The following MYO15A variants were observed in gnomAD, a reference collection of about 807,000 sequenced individuals.
MYO15A encodes the protein myosin XVA.
MYO15A carries 308 observed loss-of-function variants against 394.6 expected under a neutral mutation model. The observed-to-expected ratio is 0.78, with a 90% CI of 0.71 to 0.86. MYO15A has a LOEUF of 0.86. Among genes scored for constraint, MYO15A ranks in the 40% least tolerant of loss-of-function variants. MYO15A has a pLI of 0.00. For synonymous variants in MYO15A, 1,957 were observed against 2,003.8 expected (o/e 0.98, Z 0.62); for missense variants, 4,606 against 4,799.1 (o/e 0.96, Z 1.19).
At position 18,122,378 on chromosome 17, in the gene MYO15A, A is replaced by G; in HGVS notation, c.3578A>G (p.Glu1193Gly). Residue 1193 changes from glutamate to glycine, a missense_variant, in exon 2 of 66, where the codon GAG becomes GGG. Glu to Gly is a moderately conservative substitution (Grantham distance 98). Transcript: ENST00000647165. ...TGCCTGTCCCTTAGGGGCTCCTGGGAGGAGGTCGGCCCGCCAAGCTGGCGG... is the reference window on the plus strand; with the variant it reads ...TGCCTGTCCCTTAGGGGCTCCTGGGGGGAGGTCGGCCCGCCAAGCTGGCGG... ...AACLSLRGSW[E>G]EVGPPSWRNK... 6.2e-7 allele frequency: 1 copy of G among 1,612,606 alleles called. No homozygotes were observed. Among genetic ancestry groups the G allele is most frequent in the Admixed American group, 1.7e-5 (1 of 60,010 alleles).
rs201978571 is a variant in MYO15A at position 18,143,797 on chromosome 17, G to A, written c.6046+1G>A. 148 of 1,582,210 alleles carry A rather than the reference G, an allele frequency of 9.4e-5. No individual in the cohort carries two copies. The highest frequency in any genetic ancestry group is 1.2e-4 in the Non-Finnish European group (141 of 1,164,372). On this transcript the variant is annotated splice_donor_variant, in intron 27 of 65. Coordinates refer to ENST00000647165, the MANE Select transcript of MYO15A (RefSeq NM_016239.4). LOFTEE classifies it high-confidence loss of function. ...GCTGGGCTCTTGCAAGCAGTGGCAG[G>A]TGGGTCAGCACCAGGCGGGGGGAGG...
Position 18,132,419 on chromosome 17 carries a change from C to T in MYO15A, c.4207-34C>T, listed in dbSNP as rs757069168. On this transcript the variant is annotated intron_variant, in intron 10 of 65. Transcript: ENST00000647165. The surrounding 1 kb of genome is among the most constrained non-coding windows in gnomAD (Gnocchi z 4.6). ...GCCTGGGGGTCACCTAGGTAGGTGG[C>T]TCCCTTCTCTGTGCCCACCTACCCA... The T allele has an allele frequency of 3.8e-6, 6 of 1,570,044 alleles. No homozygotes were observed. In the South Asian group the frequency reaches 6.6e-5, roughly 17 times the overall value.
chr17:18,171,691 C>T lies in MYO15A; in HGVS notation c.10136C>T (p.Ser3379Leu), dbSNP rs546575046. The change falls in exon 63 of 66, where the codon TCG (serine) becomes TTG (leucine). Residue 3379 changes from serine to leucine, a missense_variant. Ser to Leu is a moderately radical substitution (Grantham distance 145, BLOSUM62 -2). Coordinates refer to ENST00000647165, the MANE Select transcript of MYO15A (RefSeq NM_016239.4). ...PAQLYRTTAG[S>L]TWLNLVSQHR... is the part of the protein sequence containing the mutation. The stretch of plus-strand genomic sequence containing the variant: ...CAGCTCTACCGTACAACGGCAGGCT[C>T]GACCTGGCTCAACCTGGTCAGCCAG... 26 of 1,613,250 alleles carry T rather than the reference C, an allele frequency of 1.6e-5. No homozygotes were observed. Among genetic ancestry groups the T allele is most frequent in the Middle Eastern group, 1.6e-4 (1 of 6,062 alleles).
At position 18,150,440 on chromosome 17, in the gene MYO15A, GC is replaced by G. The variant is rs727503315; in HGVS notation, c.7226del (p.Pro2409GlnfsTer8). 48 of 1,614,100 alleles carry G rather than the reference GC, an allele frequency of 3.0e-5. No homozygotes were observed. The Admixed American group carries it at 6.7e-4, about 22-fold the overall frequency. On this transcript the variant is annotated frameshift_variant, in exon 36 of 66. Coordinates refer to ENST00000647165, the MANE Select transcript of MYO15A (RefSeq NM_016239.4). LOFTEE classifies it high-confidence loss of function. The surrounding 1 kb of genome is among the most constrained non-coding windows in gnomAD (Gnocchi z 4.4). ...CCCACTGCCCCCAGGACCTGGAGAA[GC>G]CAACAGCCATTGCCTACCGCATGAA... is the stretch of plus-strand genomic sequence containing the variant. ...LSYGDADLEK[P>X]TAIAYRMKGG...
At position 18,138,817 on chromosome 17, in the gene MYO15A, G is replaced by A. The variant is rs1394113161; in HGVS notation, c.5014G>A (p.Asp1672Asn). Reference protein sequence around the residue: ...DDQCCFPQATDHTFLQKCHYH... With the variant: ...DDQCCFPQATNHTFLQKCHYH... ...ATCCCTAAATTGCCCCCAGGCTACA[G>A]ACCACACCTTCCTACAGAAGTGCCA... Residue 1672 changes from aspartate (D) to asparagine (N), a missense_variant, in exon 18 of 66, where the codon GAC (aspartate) becomes AAC (asparagine). Asp to Asn is a conservative substitution (Grantham distance 23). This residue lies in a region of MYO15A where 2,776 missense variants were observed against 3,109.3 expected (regional missense o/e 0.89). Coordinates refer to ENST00000647165, the MANE Select transcript of MYO15A (RefSeq NM_016239.4). 9 of 1,613,632 alleles carry A rather than the reference G, an allele frequency of 5.6e-6. No individual in the cohort carries two copies. The highest frequency in any genetic ancestry group is 5.9e-6 in the Non-Finnish European group (7 of 1,179,904).
At chr17:18,133,886 G>A (rs976085804) in intron 12 of MYO15A, among the ~76,000 whole-genome samples, 3 of 152,306 alleles carry the variant, frequency 2.0e-5, no homozygotes, top group Admixed American at 1.3e-4. Flanking sequence ...TTGAACTCCT[G>A]ACCTCAAATG....
rs1277710092 is a variant in MYO15A, at chr17:18,162,598, C to G, written c.9531C>G (p.Ala3177=). ...PGLPFQGIAK[A]CEQNLQKTLR... ...CTGCTTCTGCAGGGATCGCCAAGGC[C>G]TGCGAGCAGAACCTGCAGAAAACCT... Residue 3177 remains alanine, a synonymous_variant, in exon 58 of 66, where the codon GCC becomes GCG. Transcript: ENST00000647165. 3 of 1,613,880 alleles carry G rather than the reference C, an allele frequency of 1.9e-6. No homozygotes were observed. The highest frequency in any genetic ancestry group is 1.3e-5 in the African/African-American group (1 of 74,926).
chr17:18,127,207 T>G (rs2046063363), intron 7 of MYO15A, 42 bp downstream of exon 7: 1 of 1,606,042 alleles, frequency 6.2e-7, no homozygotes, highest in South Asian at 1.1e-5. Context: ...CTGAACACCC[T>G]TTGATAAGCA....
chr17:18,153,074 C>T lies in MYO15A; in HGVS notation c.7967-701C>T, dbSNP rs1414121739. ...GCAGGGGCATTGTTTACCTTATTTG[C>T]GGGGCCATCTCAGCCTTTAGCCCAG... On this transcript the variant is annotated intron_variant, in intron 42 of 65. Transcript: ENST00000647165. This position sits in a 1 kb window ranked among gnomAD's most constrained non-coding sequence, Gnocchi z 4.1. Among the ~76,000 whole-genome samples the T allele has an allele frequency of 3.9e-5, 6 of 152,198 alleles. No homozygotes were observed. The highest frequency in any genetic ancestry group is 1.4e-4 in the African/African-American group (6 of 41,440).
Position 18,121,945 on chromosome 17 carries a change from G to T in MYO15A, c.3145G>T (p.Asp1049Tyr). ...CCCCAAGGATATCACTCCCCCCAAG[G>T]ATGTCCTCCCAGAGCAAAAGACATT... is the stretch of plus-strand genomic sequence containing the variant. ...TPPKDITPPK[D>Y]VLPEQKTLRP... is the part of the protein sequence containing the mutation. The change falls in exon 2 of 66, where the codon GAT becomes TAT. Residue 1049 changes from aspartate (D) to tyrosine (Y), a missense_variant. By Grantham distance (160) the Asp-to-Tyr change is radical (BLOSUM62 -3). Coordinates refer to ENST00000647165, the MANE Select transcript of MYO15A (RefSeq NM_016239.4). The surrounding 1 kb of genome is among the most constrained non-coding windows in gnomAD (Gnocchi z 5.3). 6.2e-7 allele frequency: 1 copy of T among 1,613,314 alleles called. No homozygotes were observed. The highest frequency in any genetic ancestry group is 8.5e-7 in the Non-Finnish European group (1 of 1,179,964).
chr17:18,167,547 C>T (rs765853404), intron 61 of MYO15A, 43 bp from the exon 62 acceptor site: 24 of 1,599,238 alleles, frequency 1.5e-5, no homozygotes, highest in African/African-American at 4.0e-5. Flanking sequence ...AGTGCCTGCA[C>T]GCGTGCCTGC....
Position 18,120,451 on chromosome 17 carries a change from GC to G in MYO15A, c.1654del (p.His552ThrfsTer77). Reference sequence around the variant, plus strand: ...CCAGCGCGCGCTGTCGGCCTTCGGCGCCCACCGGGGCCTGGGCTTCGGCCCT... The same window carrying G: ...CCAGCGCGCGCTGTCGGCCTTCGGCGCCACCGGGGCCTGGGCTTCGGCCCT... ...NLQRALSAFG[A>X]HRGLGFGPEF... On this transcript the variant is annotated frameshift_variant, in exon 2 of 66. Transcript: ENST00000647165. LOFTEE classifies it high-confidence loss of function. The G allele has an allele frequency of 6.3e-7, 1 of 1,577,344 alleles. No homozygotes were observed.
Position 18,157,168 on chromosome 17 carries a change from G to A in MYO15A, c.8726G>A (p.Gly2909Asp), listed in dbSNP as rs1196354376. 6.2e-7 allele frequency: 1 copy of A among 1,610,818 alleles called. No homozygotes were observed. The highest frequency in any genetic ancestry group is 8.5e-7 in the Non-Finnish European group (1 of 1,178,548). ...LEPPRVGYSA[G>D]CVVRRKVVYL... ...GCCTGGCCCATAGGCTACAGTGCTG[G>A]CTGCGTGGTTCGCAGGAAGGTGGTG... Residue 2909 changes from glycine to aspartate, a missense_variant, in exon 50 of 66, where the codon GGC becomes GAC. This residue lies in a region of MYO15A where 2,776 missense variants were observed against 3,109.3 expected (regional missense o/e 0.89). Transcript: ENST00000647165.
At chr17:18,126,684 G>A in intron 5 of MYO15A, 107 bp from the exon 6 acceptor site, 1 of 1,332,598 alleles carries the variant, frequency 7.5e-7, no homozygotes, top group Non-Finnish European at 1.1e-6. Context: ...CAGGGTGAGG[G>A]GTGGGCAGGA....
intron 61 of MYO15A, 89 bp from the exon 62 acceptor site, chr17:18,167,501 C>T: frequency 6.3e-7 from 1 of 1,585,110 alleles, no homozygotes; most frequent in South Asian, 1.1e-5. Context: ...GGGCTGCAAT[C>T]ATTAAACATG....
intron 29 of MYO15A, 115 bp from the exon 30 acceptor site, chr17:18,145,757 C>G: frequency 1.2e-6 from 1 of 845,790 alleles, no homozygotes; most frequent in Admixed American, 2.0e-5. Context: ...ATATAAGGGA[C>G]ATTTATATGG....
At position 18,120,597 on chromosome 17, in the gene MYO15A, C is replaced by A; in HGVS notation, c.1797C>A (p.Gly599=). 1 of 1,598,100 alleles carries A rather than the reference C, an allele frequency of 6.3e-7. No homozygotes were observed. Among genetic ancestry groups the A allele is most frequent in the Non-Finnish European group, 8.5e-7 (1 of 1,174,562 alleles). The change falls in exon 2 of 66, where the codon GGC becomes GGA. Residue 599 remains glycine, a synonymous_variant. Transcript: ENST00000647165. Reference sequence around the variant, plus strand: ...GCAGCCAGAAGGCCCGGGCGGGCGGCCCTGCTGTCAGGGAGGCGGCCTACA... The same window carrying A: ...GCAGCCAGAAGGCCCGGGCGGGCGGACCTGCTGTCAGGGAGGCGGCCTACA... ...LRGSQKARAG[G]PAVREAAYKR...
At chr17:18,126,678 G>C (rs977825868) in intron 5 of MYO15A, 113 bp from the exon 6 acceptor site, 1 of 1,300,184 alleles carries the variant, frequency 7.7e-7, no homozygotes, top group Non-Finnish European at 1.1e-6. Flanking sequence ...CCCCAACAGG[G>C]TGAGGGGTGG....
intron 1 of MYO15A, among the ~76,000 whole-genome samples, chr17:18,116,730 G>A (rs1456669653): frequency 3.3e-5 from 5 of 152,042 alleles, no homozygotes; most frequent in African/African-American, 9.7e-5. Flanking sequence ...AGACCATCCC[G>A]GCCAACATGG....
Sources: gnomAD v4.1 joint callset for allele counts (sites outside exome capture counted in the v4.1 genomes callset) on GRCh38, gnomAD v4.1.1 for gene constraint, gnomAD v4.1.1 regional missense constraint, Gnocchi (gnomAD v3.1) non-coding constraint, MANE v1.5 for transcripts, NCBI Gene and HGNC (gene_info 2026-07-23, HGNC 2026-07-21) for gene names.